The following RANBP10 variants were observed in gnomAD, a reference collection of about 807,000 sequenced individuals.
RANBP10 encodes the protein RAN binding protein 10, also known as ran-binding protein 10.
Under a neutral mutation model 72.8 loss-of-function variants are expected in RANBP10, and 24 were observed. The observed-to-expected ratio is 0.33, with a 90% CI of 0.24 to 0.46. The LOEUF is 0.46. RANBP10 is among the 20% of genes least tolerant of loss of function. RANBP10 has a pLI of 1.00. For synonymous variants in RANBP10, 310 were observed against 322.3 expected (o/e 0.96, Z 0.41); for missense variants, 679 against 817.5 (o/e 0.83, Z 2.07).
intron 6 of RANBP10, 55 bp downstream of exon 6, chr16:67,734,803 G>C (rs1190532185): frequency 1.9e-5 from 28 of 1,471,172 alleles, no homozygotes; most frequent in Non-Finnish European, 2.5e-5. Context: ...GGGGCCTAGA[G>C]TGAAGTGGGC....
intron 3 of RANBP10, among the ~76,000 whole-genome samples, chr16:67,761,903 T>C (rs912081786): frequency 5.9e-5 from 9 of 151,990 alleles, no homozygotes; most frequent in Admixed American, 4.6e-4. Context: ...ACTTTAAATA[T>C]ATAGGTACTT....
intron 3 of RANBP10, among the ~76,000 whole-genome samples, chr16:67,771,247 CCT>C (rs1209876766): frequency 2.0e-5 from 3 of 152,058 alleles, no homozygotes; most frequent in African/African-American, 7.2e-5. Context: ...AGAGTGAGAC[CCT>C]GTCTCAAATA....
intron 3 of RANBP10, among the ~76,000 whole-genome samples, chr16:67,758,605 C>T (rs1185229281): frequency 6.6e-6 from 1 of 152,210 alleles, no homozygotes; most frequent in African/African-American, 2.4e-5. Context: ...CGCTCTGCTT[C>T]ACCCTAATGT....
chr16:67,802,532 G>C (rs994284943), intron 2 of RANBP10, among the ~76,000 whole-genome samples: 2 of 152,152 alleles, frequency 1.3e-5, no homozygotes, highest in Non-Finnish European at 2.9e-5. Context: ...CAGCTACTCG[G>C]GAGGCTGAGG....
intron 3 of RANBP10, among the ~76,000 whole-genome samples, chr16:67,765,653 G>A (rs2054487599): frequency 6.6e-6 from 1 of 151,850 alleles, no homozygotes. Context: ...TGGCTAACAC[G>A]GTGAGACCCC....
At chr16:67,785,663 G>T (rs1272843354) in intron 2 of RANBP10, among the ~76,000 whole-genome samples, 1 of 150,486 alleles carries the variant, frequency 6.6e-6, no homozygotes, top group Non-Finnish European at 1.5e-5. Context: ...GGGAGGCAAA[G>T]GTTGCAGTGA....
At chr16:67,773,266 C>T (rs1425643144) in intron 2 of RANBP10, among the ~76,000 whole-genome samples, 1 of 152,132 alleles carries the variant, frequency 6.6e-6, no homozygotes, top group Non-Finnish European at 1.5e-5. Flanking sequence ...AACTTGTTCC[C>T]GTTGTTGCCA....
intron 3 of RANBP10, among the ~76,000 whole-genome samples, chr16:67,769,408 C>T (rs1283267733): frequency 2.5e-5 from 3 of 121,446 alleles, no homozygotes; most frequent in Non-Finnish European, 4.9e-5. Context: ...TGTGCCACTG[C>T]ACTCCACCCT....
At chr16:67,731,211 C>A in intron 7 of RANBP10, 1 of 397,066 alleles carries the variant, frequency 2.5e-6, no homozygotes, top group Non-Finnish European at 4.6e-6. Context: ...GGAATGGAAC[C>A]AGCCATGCCA....
At chr16:67,747,123 G>A (rs927952912) in intron 3 of RANBP10, among the ~76,000 whole-genome samples, 4 of 152,156 alleles carry the variant, frequency 2.6e-5, no homozygotes, top group African/African-American at 9.7e-5. Context: ...TTTCCAAAGT[G>A]GCTGTGCTAT....
chr16:67,728,531 T>C lies in RANBP10; in HGVS notation c.1353-20A>G, dbSNP rs1298404510. 3 of 1,613,674 alleles carry C rather than the reference T, an allele frequency of 1.9e-6. No individual in the cohort carries two copies. Among genetic ancestry groups the C allele is most frequent in the Non-Finnish European group, 1.7e-6 (2 of 1,179,950 alleles). On this transcript the variant is annotated intron_variant, in intron 10 of 13. Transcript: ENST00000317506. ...CTGTCGCTGTGGGGAGGGGTTGAGG[T>C]GGGAGTTGGCCCAGGGGGTGTGGTT...
At chr16:67,760,945 C>A (rs1323178438) in intron 3 of RANBP10, among the ~76,000 whole-genome samples, 1 of 152,138 alleles carries the variant, frequency 6.6e-6, no homozygotes, top group Non-Finnish European at 1.5e-5. Context: ...CGCCCAAACC[C>A]CACTCTCTCC....
Position 67,776,924 on chromosome 16 carries a change from T to C in RANBP10, c.348-4838A>G, listed in dbSNP as rs953463746. ...TTCCAATAGCATCAAAAGAATAAAA[T>C]ACTTAAGCTGGGCACGGTGGCTCAC... On this transcript the variant is annotated intron_variant, in intron 2 of 13. Coordinates refer to ENST00000317506, the MANE Select transcript of RANBP10 (RefSeq NM_020850.3). Among the ~76,000 whole-genome samples the C allele has an allele frequency of 3.3e-5, 5 of 150,888 alleles. No homozygotes were observed. In the South Asian group the frequency reaches 8.4e-4, roughly 25 times the overall value.
At chr16:67,726,716 C>T (rs1164945429) in intron 13 of RANBP10, among the ~76,000 whole-genome samples, 158 bp from the exon 14 acceptor site, 1 of 152,200 alleles carries the variant, frequency 6.6e-6, no homozygotes, top group East Asian at 1.9e-4. Context: ...CAGGCCATGG[C>T]CCTGAAGTCA....
intron 5 of RANBP10, among the ~76,000 whole-genome samples, chr16:67,737,197 T>C (rs1304311348): frequency 9.8e-5 from 13 of 132,016 alleles, no homozygotes; most frequent in East Asian, 4.2e-4. Flanking sequence ...CTTTTCTTTT[T>C]TTTTTTTTTT....
chr16:67,737,527 G>A (rs2053877886), intron 5 of RANBP10, among the ~76,000 whole-genome samples: 1 of 151,984 alleles, frequency 6.6e-6, no homozygotes, highest in African/African-American at 2.4e-5. Context: ...TTTCTAAGAA[G>A]AGAAGACCCC....
chr16:67,752,642 TTA>T (rs908062975), intron 3 of RANBP10, among the ~76,000 whole-genome samples: 6 of 150,814 alleles, frequency 4.0e-5, no homozygotes, highest in African/African-American at 4.9e-5. Context: ...GGTATATACC[TTA>T]TATATATATA....
At chr16:67,768,096 A>T (rs1418926053) in intron 3 of RANBP10, among the ~76,000 whole-genome samples, 2 of 151,840 alleles carry the variant, frequency 1.3e-5, no homozygotes, top group Admixed American at 6.6e-5. Flanking sequence ...TATTAAAGAA[A>T]AAAGAACATA....
intron 3 of RANBP10, among the ~76,000 whole-genome samples, chr16:67,754,732 C>T (rs915960796): frequency 1.3e-5 from 2 of 152,202 alleles, no homozygotes; most frequent in African/African-American, 4.8e-5. Flanking sequence ...GCCCTGGGTG[C>T]CAGGAAAGCC....
Sources: allele counts gnomAD v4.1 joint callset (sites outside exome capture counted in the v4.1 genomes callset), GRCh38; gene constraint gnomAD v4.1.1; transcripts MANE v1.5; gene names NCBI Gene and HGNC (gene_info 2026-07-23, HGNC 2026-07-21).